The following GOLM1 variants were observed in gnomAD, a reference collection of about 807,000 sequenced individuals.
GOLM1 encodes golgi membrane protein 1, also known as epididymis luminal protein 46.
In GOLM1, 31 loss-of-function variants were observed where a neutral mutation model predicts 50.5. That is an observed-to-expected ratio of 0.61 (90% confidence interval 0.46 to 0.83). The LOEUF (loss-of-function observed/expected upper bound fraction) is 0.83, where lower values mean the gene tolerates loss of function less well. Ranked by LOEUF, GOLM1 falls within the 40% of genes least tolerant of loss-of-function variation. GOLM1 has a pLI of 0.00. For synonymous variants in GOLM1, 178 were observed against 192.8 expected, an observed-to-expected ratio of 0.92 and a Z score of 0.64; for missense variants, 491 against 501.3, an observed-to-expected ratio of 0.98 and a Z score of 0.20.
chr9:86,040,676 G>C, intron 6 of GOLM1, 63 bp downstream of exon 6: 1 of 1,520,168 alleles, frequency 6.6e-7, no homozygotes, highest in South Asian at 1.2e-5. Flanking sequence ...GCACATAAAA[G>C]AAACAAAATG....
chr9:86,054,439 G>A (rs1450895190), intron 3 of GOLM1, among the ~76,000 whole-genome samples: 3 of 152,228 alleles, frequency 2.0e-5, no homozygotes, highest in South Asian at 2.1e-4. Flanking sequence ...GGCCAGGCTG[G>A]TCTCAAACTT....
At chr9:86,053,606 AT>A (rs1484090339) in intron 3 of GOLM1, among the ~76,000 whole-genome samples, 16 of 4,486 alleles carry the variant, frequency 3.6e-3, no homozygotes, top group African/African-American at 4.9e-3. Context: ...CCACACACAC[AT>A]CACACACCAC....
intron 3 of GOLM1, among the ~76,000 whole-genome samples, chr9:86,060,894 AAAAAAAAAAAAAAAAAAAAAG>A (rs1834139055): frequency 7.8e-6 from 1 of 128,362 alleles, no homozygotes; most frequent in African/African-American, 3.1e-5. Context: ...AAAAAAAAAA[AAAAAAAAAAAAAAAAAAAAAG>A]AAGAAGAAGA....
intron 5 of GOLM1, among the ~76,000 whole-genome samples, chr9:86,042,650 G>C (rs1049215138): frequency 2.0e-5 from 3 of 152,186 alleles, no homozygotes; most frequent in Non-Finnish European, 4.4e-5. Flanking sequence ...CTGAAACATA[G>C]CGAACAAAAA....
intron 6 of GOLM1, among the ~76,000 whole-genome samples, chr9:86,039,794 C>T (rs1351840891): frequency 6.6e-6 from 1 of 151,940 alleles, no homozygotes; most frequent in Admixed American, 6.6e-5. Flanking sequence ...ATGATGAAAC[C>T]CCGTCTCTAC....
At position 86,049,843 on chromosome 9, in the gene GOLM1, T is replaced by C. The variant is rs182524952; in HGVS notation, c.364+2694A>G. On this transcript the variant is annotated intron_variant, in intron 4 of 9. Transcript: ENST00000388712. Reference sequence around the variant, plus strand: ...ACAATTTGACTTCCTCTTTTCCTAATTGAATACCCTTTATTTCTTTCTCCT... The same window carrying C: ...ACAATTTGACTTCCTCTTTTCCTAACTGAATACCCTTTATTTCTTTCTCCT... Among the ~76,000 whole-genome samples, 333 of 152,322 alleles carry C rather than the reference T, an allele frequency of 2.2e-3. 5 individuals carry two copies. Among genetic ancestry groups the C allele is most frequent in the Admixed American group, 0.02 (306 of 15,302 alleles).
chr9:86,040,632 G>C (rs563030335), intron 6 of GOLM1, 107 bp downstream of exon 6: 1 of 1,064,598 alleles, frequency 9.4e-7, no homozygotes, highest in East Asian at 2.4e-5. Context: ...AGCCAAGCCC[G>C]CAAAGGAGGG....
At chr9:86,091,521 C>T (rs899983971) in intron 1 of GOLM1, among the ~76,000 whole-genome samples, 1 of 152,104 alleles carries the variant, frequency 6.6e-6, no homozygotes, top group Admixed American at 6.5e-5. Flanking sequence ...TTTTTACCTA[C>T]TGCTTTGAAC....
intron 5 of GOLM1, among the ~76,000 whole-genome samples, chr9:86,041,114 T>G (rs967327019): frequency 6.6e-6 from 1 of 152,198 alleles, no homozygotes. Flanking sequence ...GAAAATTTTT[T>G]TTTAACATAC....
intron 6 of GOLM1, among the ~76,000 whole-genome samples, chr9:86,037,230 C>G (rs1833174906): frequency 6.6e-6 from 1 of 152,178 alleles, no homozygotes. Context: ...GCCTTGCCAA[C>G]ATGGTGAAAC....
At chr9:86,051,412 A>G (rs1284894406) in intron 4 of GOLM1, among the ~76,000 whole-genome samples, 1 of 152,080 alleles carries the variant, frequency 6.6e-6, no homozygotes, top group Non-Finnish European at 1.5e-5. Context: ...CAAGTCCTGG[A>G]TATCCTTGTT....
In GOLM1 at chr9:86,027,301, G is replaced by A. The variant is rs1227071223; in HGVS notation, c.*516C>T. The A allele has an allele frequency of 2.0e-6, 2 of 985,278 alleles. No homozygotes were observed. Among genetic ancestry groups the A allele is most frequent in the African/African-American group, 3.5e-5 (2 of 57,216 alleles). 61.0% of individuals were successfully genotyped at this position (985,278 alleles called of 1,614,324 possible). A position where few individuals can be genotyped will look rare whatever the true frequency, so the allele number is the denominator to read the frequency against. ...TTTGTGTTAACAGTCAGTGCTCTAG[G>A]CCATTGATTGATTGATTGTCAGAAT... On this transcript the variant is annotated 3_prime_UTR_variant, in exon 10 of 10. Transcript: ENST00000388712.
At chr9:86,067,529 G>C (rs150489844) in intron 3 of GOLM1, among the ~76,000 whole-genome samples, 1 of 152,340 alleles carries the variant, frequency 6.6e-6, no homozygotes, top group African/African-American at 2.4e-5. Context: ...AACTCCCAAA[G>C]GGGGAGTCCA....
At position 86,027,283 on chromosome 9, in the gene GOLM1, T is replaced by C. The variant is rs370281198; in HGVS notation, c.*534A>G. The C allele has an allele frequency of 2.7e-4, 264 of 985,316 alleles. No homozygotes were observed. In the Middle Eastern group the frequency reaches 5.8e-3, roughly 21 times the overall value. The allele number at this position is 985,316 out of a possible 1,614,324, so 61.0% of individuals were successfully genotyped here. ...GCTACTTTGCTAGTGACGTTTGTGT[T>C]AACAGTCAGTGCTCTAGGCCATTGA... On this transcript the variant is annotated 3_prime_UTR_variant, in exon 10 of 10. Transcript: ENST00000388712.
intron 3 of GOLM1, among the ~76,000 whole-genome samples, chr9:86,053,684 A>ACACTC (rs1833889560): frequency 6.8e-5 from 4 of 58,774 alleles, no homozygotes; most frequent in African/African-American, 1.7e-4. Flanking sequence ...ACACCACTCC[A>ACACTC]CACACACCAC....
chr9:86,026,381 A>ATGTT lies in GOLM1; in HGVS notation c.*1432_*1435dup. ...TGACTAAGGACATCACATATGAAGA[A>ATGTT]TGTTTAAGTTGGAGGTGGCAACGTG... is the stretch of plus-strand genomic sequence containing the variant. On this transcript the variant is annotated 3_prime_UTR_variant, in exon 10 of 10. Transcript: ENST00000388712. The ATGTT allele has an allele frequency of 1.0e-6, 1 of 985,282 alleles. No individual in the cohort carries two copies. Among genetic ancestry groups the ATGTT allele is most frequent in the Non-Finnish European group, 1.2e-6 (1 of 829,876 alleles). The allele number at this position is 985,282 out of a possible 1,614,324, so 61.0% of individuals were successfully genotyped here.
chr9:86,072,029 A>G (rs72746700), intron 3 of GOLM1, among the ~76,000 whole-genome samples: 14,694 of 152,294 alleles, frequency 0.096, 752 homozygotes, highest in South Asian at 0.13. Flanking sequence ...AAAGACCTCA[A>G]AAACAATGGT....
intron 5 of GOLM1, among the ~76,000 whole-genome samples, chr9:86,041,108 ATTTT>A (rs969673218): frequency 6.6e-6 from 1 of 151,782 alleles, no homozygotes; most frequent in Non-Finnish European, 1.5e-5. Context: ...TAGGCAGAAA[ATTTT>A]TTTTTAACAT....
intron 8 of GOLM1, chr9:86,035,081 T>C (rs1833092024): frequency 1.0e-6 from 1 of 985,142 alleles, no homozygotes; most frequent in Non-Finnish European, 1.2e-6. Context: ...GGAGGGGGCG[T>C]CCACTTGATG....
Sources: gnomAD v4.1 joint callset for allele counts (sites outside exome capture counted in the v4.1 genomes callset) on GRCh38, gnomAD v4.1.1 for gene constraint, MANE v1.5 for transcripts, NCBI Gene and HGNC (gene_info 2026-07-23, HGNC 2026-07-21) for gene names.